The following CCDC149 variants were observed in gnomAD, a reference collection of about 807,000 sequenced individuals.
CCDC149 encodes the protein coiled-coil domain containing 149.
Under a neutral mutation model 59.9 loss-of-function variants are expected in CCDC149, and 45 were observed. That is an observed-to-expected ratio of 0.75 (90% CI 0.59 to 0.96). CCDC149 has a LOEUF of 0.96. Among genes scored for constraint, CCDC149 ranks in the 40% least tolerant of loss-of-function variants. CCDC149 has a pLI of 0.00. For synonymous variants in CCDC149, 245 were observed against 260.6 expected, an observed-to-expected ratio of 0.94 and a Z score of 0.58; for missense variants, 584 against 664.7, an observed-to-expected ratio of 0.88 and a Z score of 1.33.
rs370879434 is a variant in CCDC149, at chr4:24,873,516, T to C, written c.264+165A>G. On this transcript the variant is annotated intron_variant, in intron 3 of 12. Transcript: ENST00000635206. ...CCAGACTTCACTGGGTTTCCTTCACTCCACTCCGAATTTCTCTTTGCAGTT... is the reference window on the plus strand; with the variant it reads ...CCAGACTTCACTGGGTTTCCTTCACCCCACTCCGAATTTCTCTTTGCAGTT... 2.6e-5 allele frequency among the ~76,000 whole-genome samples: 4 copies of C among 152,278 alleles called. No homozygotes were observed. In the East Asian group the frequency reaches 5.8e-4, roughly 22 times the overall value.
intron 1 of CCDC149, among the ~76,000 whole-genome samples, chr4:24,895,458 G>A (rs185005310): frequency 6.6e-6 from 1 of 152,314 alleles, no homozygotes; most frequent in Non-Finnish European, 1.5e-5. Flanking sequence ...CAAATTGTAG[G>A]TGGCTTTTTT....
chr4:24,838,111 G>T, intron 5 of CCDC149, 45 bp downstream of exon 5: 2 of 1,407,904 alleles, frequency 1.4e-6, no homozygotes, highest in Non-Finnish European at 2.0e-6. Context: ...GTTGTGTCCA[G>T]CTGTGCAAAT....
At chr4:24,818,819 C>A (rs151282386) in intron 12 of CCDC149, among the ~76,000 whole-genome samples, 315 of 152,324 alleles carry the variant, frequency 2.1e-3, no homozygotes, top group African/African-American at 7.4e-3. Flanking sequence ...AAGTCACATA[C>A]CCTCACTTCT....
chr4:24,838,650 G>T (rs12499323), intron 4 of CCDC149, among the ~76,000 whole-genome samples: 33,025 of 151,882 alleles, frequency 0.22, 3,974 homozygotes, highest in African/African-American at 0.31. Context: ...ACATTATCAA[G>T]AGCCTTAAAA....
At chr4:24,838,015 C>T in intron 5 of CCDC149, 141 bp downstream of exon 5, 1 of 734,918 alleles carries the variant, frequency 1.4e-6, no homozygotes. Flanking sequence ...GACCCTAGTG[C>T]AGTGCTGAGG....
At chr4:24,887,957 C>G (rs1700275546) in intron 1 of CCDC149, among the ~76,000 whole-genome samples, 1 of 152,204 alleles carries the variant, frequency 6.6e-6, no homozygotes, top group African/African-American at 2.4e-5. Context: ...CCCCCACACT[C>G]AAGCTTCTTC....
chr4:24,911,034 T>C (rs1721840738), intron 1 of CCDC149, among the ~76,000 whole-genome samples: 3 of 152,148 alleles, frequency 2.0e-5, no homozygotes, highest in Admixed American at 1.3e-4. Flanking sequence ...CTGGAGAAAC[T>C]CTGCTGGGAT....
rs544268077 is a variant in CCDC149, at chr4:24,833,162, T to C, written c.821-1512A>G. 7.9e-5 allele frequency among the ~76,000 whole-genome samples: 12 copies of C among 151,902 alleles called. No individual in the cohort carries two copies. The East Asian group carries it at 2.3e-3, about 29-fold the overall frequency. ...AATAAAAGGACAACAACCACTGATA[T>C]TCCTACCAGACATTAAAAAAAAAAG... is the stretch of plus-strand genomic sequence containing the variant. On this transcript the variant is annotated intron_variant, in intron 8 of 12. Coordinates refer to ENST00000635206, the MANE Select transcript of CCDC149 (RefSeq NM_001330643.2).
intron 3 of CCDC149, among the ~76,000 whole-genome samples, chr4:24,866,598 C>T (rs1255879566): frequency 3.9e-5 from 6 of 152,006 alleles, no homozygotes; most frequent in South Asian, 2.1e-4. Flanking sequence ...ATTTCAATAT[C>T]CCACGAGAAG....
At chr4:24,968,655 T>C (rs1244051332) in intron 1 of CCDC149, among the ~76,000 whole-genome samples, 1 of 152,252 alleles carries the variant, frequency 6.6e-6, no homozygotes, top group Non-Finnish European at 1.5e-5. Context: ...TACTGCTGCC[T>C]AGACTGCTGT....
chr4:24,932,616 G>A (rs1182994581), intron 1 of CCDC149, among the ~76,000 whole-genome samples: 1 of 152,154 alleles, frequency 6.6e-6, no homozygotes, highest in East Asian at 1.9e-4. Context: ...CCCCAGAGAC[G>A]ACTTTCCTTT....
At chr4:24,975,559 A>T (rs1396358155) in intron 1 of CCDC149, among the ~76,000 whole-genome samples, 1 of 116,190 alleles carries the variant, frequency 8.6e-6, no homozygotes, top group Non-Finnish European at 1.7e-5. Flanking sequence ...ATGAAAGGAG[A>T]GGAGAGGGGA....
chr4:24,874,113 A>G (rs1722282201), intron 2 of CCDC149, among the ~76,000 whole-genome samples: 1 of 152,118 alleles, frequency 6.6e-6, no homozygotes, highest in Admixed American at 6.5e-5. Flanking sequence ...ATAGAGAGAG[A>G]GGAAAAGAGA....
chr4:24,819,741 T>G, intron 12 of CCDC149, 118 bp downstream of exon 12: 1 of 778,668 alleles, frequency 1.3e-6, no homozygotes, highest in Middle Eastern at 2.5e-4. Context: ...CTGAGGAATG[T>G]CCCAATGATG....
rs775357835 is a variant in CCDC149 at position 24,853,122 on chromosome 4, CT to C, written c.321del (p.Glu108LysfsTer19). ...AGCCTTTGCTGAAGTTCTTTAATTT[CT>C]TCTCCCAGATGTTTATTTCGGTCCT... On this transcript the variant is annotated frameshift_variant, in exon 4 of 13. Transcript: ENST00000635206. LOFTEE classifies it high-confidence loss of function. 2 of 1,614,004 alleles carry C rather than the reference CT, an allele frequency of 1.2e-6. No individual in the cohort carries two copies. The highest frequency in any genetic ancestry group is 1.3e-5 in the African/African-American group (1 of 75,036).
At chr4:24,906,400 AT>A (rs11333679) in intron 1 of CCDC149, among the ~76,000 whole-genome samples, 2 of 38,946 alleles carry the variant, frequency 5.1e-5, no homozygotes, top group African/African-American at 1.7e-4. Flanking sequence ...ATTTTATTTT[AT>A]TTTATTTTAC....
At chr4:24,875,456 T>C (rs1719352300) in intron 2 of CCDC149, among the ~76,000 whole-genome samples, 1 of 152,182 alleles carries the variant, frequency 6.6e-6, no homozygotes, top group Non-Finnish European at 1.5e-5. Flanking sequence ...ACAGCATGTT[T>C]TATTATTTTT....
In CCDC149 at chr4:24,835,032, T is replaced by C. The variant is rs1185226519; in HGVS notation, c.736A>G (p.Asn246Asp). ...GAGTTTTTCCGTCTCTCCAGAGCAT[T>C]CTAAAACAGGATTGGGAGAGAATAA... Residue 246 changes from asparagine to aspartate, a missense_variant and splice_region_variant, in exon 8 of 13, where the codon AAT becomes GAT. Physicochemically the swap from Asn to Asp is conservative, Grantham distance 23. Transcript: ENST00000635206. 1 of 1,611,446 alleles carries C rather than the reference T, an allele frequency of 6.2e-7. No individual in the cohort carries two copies. Among genetic ancestry groups the C allele is most frequent in the Non-Finnish European group, 8.5e-7 (1 of 1,177,842 alleles).
At chr4:24,820,150 G>C in intron 11 of CCDC149, 175 bp from the exon 12 acceptor site, 1 of 576,040 alleles carries the variant, frequency 1.7e-6, no homozygotes, top group South Asian at 2.2e-5. Flanking sequence ...CACCACCCTA[G>C]CCCTAACCCT....
Sources: allele counts gnomAD v4.1 joint callset (sites outside exome capture counted in the v4.1 genomes callset), GRCh38; gene constraint gnomAD v4.1.1; transcripts MANE v1.5; gene names NCBI Gene and HGNC (gene_info 2026-07-23, HGNC 2026-07-21).